FRAS1: variants seen among roughly 807,000 people sequenced by gnomAD.
The protein encoded by FRAS1 is Fraser extracellular matrix complex subunit 1.
In FRAS1, 290 loss-of-function variants were observed where a neutral mutation model predicts 435.2. The observed-to-expected ratio is 0.67, with a 90% CI of 0.61 to 0.73. The LOEUF is 0.73. Among genes scored for constraint, FRAS1 ranks in the 30% least tolerant of loss-of-function variants. The probability of loss-of-function intolerance (pLI) is 0.00; values close to 1 mark genes in which losing one functional copy is unlikely to be tolerated. For synonymous variants in FRAS1, 1,800 were observed against 1,851.0 expected, an observed-to-expected ratio of 0.97 and a Z score of 0.71; for missense variants, 4,860 against 5,001.5, an observed-to-expected ratio of 0.97 and a Z score of 0.85.
intron 2 of FRAS1, among the ~76,000 whole-genome samples, chr4:78,210,274 G>A (rs1723447933): frequency 6.6e-6 from 1 of 152,198 alleles, no homozygotes; most frequent in East Asian, 1.9e-4. Flanking sequence ...CCAAAGCTGG[G>A]CTGAAGGCCC....
intron 14 of FRAS1, among the ~76,000 whole-genome samples, chr4:78,291,606 T>C (rs1560631464): frequency 2.0e-5 from 3 of 152,204 alleles, no homozygotes; most frequent in Admixed American, 6.5e-5. Context: ...CTATTGTCCT[T>C]CTTCCTTGTT....
At chr4:78,401,656 T>A (rs1732897803) in intron 30 of FRAS1, among the ~76,000 whole-genome samples, 1 of 148,456 alleles carries the variant, frequency 6.7e-6, no homozygotes, top group East Asian at 2.0e-4. Flanking sequence ...AGGGACAGAG[T>A]AGAAACAAGA....
At chr4:78,326,856 A>C (rs1242253140) in intron 18 of FRAS1, among the ~76,000 whole-genome samples, 1 of 152,160 alleles carries the variant, frequency 6.6e-6, no homozygotes, top group Admixed American at 6.5e-5. Context: ...TCATCCATCT[A>C]TCCACCCCCA....
At chr4:78,152,051 T>C (rs1443578728) in intron 2 of FRAS1, among the ~76,000 whole-genome samples, 1 of 152,218 alleles carries the variant, frequency 6.6e-6, no homozygotes, top group Non-Finnish European at 1.5e-5. Context: ...GAACCAGGAC[T>C]GATTCTAAGT....
intron 14 of FRAS1, among the ~76,000 whole-genome samples, chr4:78,300,431 C>T (rs1356593509): frequency 6.6e-6 from 1 of 152,070 alleles, no homozygotes; most frequent in African/African-American, 2.4e-5. Context: ...TGGGCCCTGC[C>T]CTCATGGAGC....
chr4:78,421,912 G>A lies in FRAS1; in HGVS notation c.4590G>A (p.Thr1530=), dbSNP rs780780063. ...CTCACTCTCCTATCCGGTATTTCACGCAAGAGGATATTAACCAGGGCAAAG... is the reference window on the plus strand; with the variant it reads ...CTCACTCTCCTATCCGGTATTTCACACAAGAGGATATTAACCAGGGCAAAG... ...DHPHSPIRYF[T]QEDINQGKVM... Residue 1530 remains threonine, a synonymous_variant, in exon 34 of 74, where the codon ACG becomes ACA. Coordinates refer to ENST00000512123, the MANE Select transcript of FRAS1 (RefSeq NM_025074.7). 24 of 1,613,660 alleles carry A rather than the reference G, an allele frequency of 1.5e-5. No homozygotes were observed. The highest frequency in any genetic ancestry group is 8.0e-5 in the African/African-American group (6 of 74,878).
intron 32 of FRAS1, among the ~76,000 whole-genome samples, chr4:78,413,349 G>C (rs1733426105): frequency 6.6e-6 from 1 of 152,168 alleles, no homozygotes; most frequent in South Asian, 2.1e-4. Context: ...AGATGTTCCA[G>C]GGGTCCTCCT....
chr4:78,464,522 A>G lies in FRAS1; in HGVS notation c.6968A>G (p.Gln2323Arg), dbSNP rs1050807545. The G allele has an allele frequency of 6.2e-7, 1 of 1,613,860 alleles. No individual in the cohort carries two copies. The highest frequency in any genetic ancestry group is 1.3e-5 in the African/African-American group (1 of 74,930). The change falls in exon 49 of 74, where the codon CAG becomes CGG. Residue 2323 changes from glutamine to arginine, a missense_variant. Transcript: ENST00000512123. ...GTACAGAACTTAGGAATGCGGGTGC[A>G]GGAGGGCATGAGGAAGACCATCACA... is the stretch of plus-strand genomic sequence containing the variant. The part of the protein sequence containing the change: ...PVVQNLGMRV[Q>R]EGMRKTITEF...
At chr4:78,298,494 T>G (rs1728252721) in intron 14 of FRAS1, among the ~76,000 whole-genome samples, 1 of 152,144 alleles carries the variant, frequency 6.6e-6, no homozygotes, top group Admixed American at 6.5e-5. Flanking sequence ...CTTTCTGCTG[T>G]TGTGTCTGGC....
rs969619942 is a variant in FRAS1, at chr4:78,542,684, C to G, written c.*1560C>G. The G allele has an allele frequency of 6.6e-6, 1 of 152,626 alleles. No individual in the cohort carries two copies. Among genetic ancestry groups the G allele is most frequent in the African/African-American group, 2.4e-5 (1 of 41,434 alleles). The allele number at this position is 152,626 out of a possible 1,614,324, so 9.5% of individuals were successfully genotyped here. A position where few individuals can be genotyped will look rare whatever the true frequency, so the allele number is the denominator to read the frequency against. Reference sequence around the variant, plus strand: ...GACTCCAAGCTCCTTGAAAGTAGGACCTTTGTGAGCCACGCCTTTCATTCT... The same window carrying G: ...GACTCCAAGCTCCTTGAAAGTAGGAGCTTTGTGAGCCACGCCTTTCATTCT... On this transcript the variant is annotated 3_prime_UTR_variant, in exon 74 of 74. Transcript: ENST00000512123.
At chr4:78,446,508 T>C (rs1262925502) in intron 42 of FRAS1, 9 of 1,338,642 alleles carry the variant, frequency 6.7e-6, no homozygotes, top group Non-Finnish European at 6.7e-6. Flanking sequence ...GAGAAAACTT[T>C]TATGAAATGT....
At chr4:78,185,226 CTTTGTGAGTGTGA>C in intron 2 of FRAS1, among the ~76,000 whole-genome samples, 1 of 152,162 alleles carries the variant, frequency 6.6e-6, no homozygotes, top group Non-Finnish European at 1.5e-5. Flanking sequence ...TAGGTAGGCA[CTTTGTGAGTGTGA>C]TTTAGTTGAA....
intron 2 of FRAS1, among the ~76,000 whole-genome samples, chr4:78,158,933 A>G (rs1321511583): frequency 6.6e-6 from 1 of 152,176 alleles, no homozygotes; most frequent in African/African-American, 2.4e-5. Flanking sequence ...GCCACATGCC[A>G]TGATTGGAAT....
chr4:78,223,547 T>C (rs1724142155), intron 2 of FRAS1, among the ~76,000 whole-genome samples: 1 of 152,204 alleles, frequency 6.6e-6, no homozygotes, highest in South Asian at 2.1e-4. Flanking sequence ...CTAATGACAG[T>C]AGTGAACAAC....
chr4:78,114,437 T>C (rs539957307), intron 2 of FRAS1, among the ~76,000 whole-genome samples: 12 of 152,252 alleles, frequency 7.9e-5, no homozygotes, highest in East Asian at 7.7e-4. Flanking sequence ...GCCATTTTCA[T>C]GATATTGATT....
At chr4:78,207,129 CTT>C (rs548315443) in intron 2 of FRAS1, among the ~76,000 whole-genome samples, 1 of 152,208 alleles carries the variant, frequency 6.6e-6, no homozygotes, top group Admixed American at 6.5e-5. Flanking sequence ...AATGGAAGGA[CTT>C]TTTTCTGAAG....
intron 2 of FRAS1, among the ~76,000 whole-genome samples, chr4:78,114,994 G>C (rs930870743): frequency 6.6e-6 from 1 of 151,882 alleles, no homozygotes; most frequent in Non-Finnish European, 1.5e-5. Flanking sequence ...ATTATTTTGA[G>C]ATACGTCCCA....
intron 2 of FRAS1, among the ~76,000 whole-genome samples, chr4:78,174,567 GCACT>G (rs1305499856): frequency 6.6e-6 from 1 of 152,208 alleles, no homozygotes; most frequent in African/African-American, 2.4e-5. Context: ...TAGAAGGGGT[GCACT>G]CACTCAGCTC....
At chr4:78,290,036 A>G (rs1325055783) in intron 14 of FRAS1, among the ~76,000 whole-genome samples, 3 of 152,158 alleles carry the variant, frequency 2.0e-5, no homozygotes, top group South Asian at 2.1e-4. Context: ...CCTCTGTTCA[A>G]TCAGCCTCTG....
Sources: gnomAD v4.1 joint callset for allele counts (sites outside exome capture counted in the v4.1 genomes callset) on GRCh38, gnomAD v4.1.1 for gene constraint, MANE v1.5 for transcripts, NCBI Gene and HGNC (gene_info 2026-07-23, HGNC 2026-07-21) for gene names.